Variants in CHST8 observed in about 807,000 individuals in gnomAD.
CHST8 encodes carbohydrate sulfotransferase 8.
CHST8 carries 10 observed loss-of-function variants against 15.0 expected under a neutral mutation model. That is an observed-to-expected ratio of 0.67 (90% CI 0.41 to 1.13). The LOEUF is 1.13. Among genes scored for constraint, CHST8 ranks in the 50% most tolerant of loss-of-function variants. The pLI is 0.00. For missense variants in CHST8, 634 were observed against 608.2 expected, an observed-to-expected ratio of 1.04 and a Z score of -0.45; for synonymous variants, 259 against 256.6, an observed-to-expected ratio of 1.01 and a Z score of -0.09.
intron 3 of CHST8, among the ~76,000 whole-genome samples, chr19:33,713,722 G>A (rs1478275272): frequency 6.6e-6 from 1 of 152,054 alleles, no homozygotes; most frequent in Non-Finnish European, 1.5e-5. Context: ...CACCACGCCC[G>A]GCTAATTTTT....
chr19:33,700,780 A>T (rs1464382979), intron 3 of CHST8, among the ~76,000 whole-genome samples: 5 of 152,206 alleles, frequency 3.3e-5, no homozygotes. Context: ...GCCAAGCCCC[A>T]GTTGCTACTT....
chr19:33,676,668 G>C (rs755187460), intron 2 of CHST8, among the ~76,000 whole-genome samples: 103 of 152,058 alleles, frequency 6.8e-4, no homozygotes, highest in Non-Finnish European at 9.1e-4. Context: ...ATGAGGCCAG[G>C]AGTTTAAGAC....
chr19:33,635,953 C>T (rs749972409), intron 1 of CHST8, among the ~76,000 whole-genome samples: 7 of 151,066 alleles, frequency 4.6e-5, no homozygotes, highest in Non-Finnish European at 8.8e-5. Context: ...ATTGTTTATG[C>T]GATGTGGAGG....
intron 3 of CHST8, among the ~76,000 whole-genome samples, chr19:33,766,276 C>T (rs1038126934): frequency 1.3e-5 from 2 of 151,960 alleles, no homozygotes; most frequent in Non-Finnish European, 1.5e-5. Context: ...TATATATCAC[C>T]TGTGGGCTCT....
intron 3 of CHST8, among the ~76,000 whole-genome samples, chr19:33,730,925 C>G (rs1035001318): frequency 6.6e-6 from 1 of 152,118 alleles, no homozygotes; most frequent in Non-Finnish European, 1.5e-5. Flanking sequence ...GTCCGATGTT[C>G]GAGGGCAGGA....
chr19:33,675,324 T>G (rs1972795079), intron 2 of CHST8, among the ~76,000 whole-genome samples: 1 of 152,188 alleles, frequency 6.6e-6, no homozygotes, highest in Admixed American at 6.5e-5. Flanking sequence ...TCCCTTCTAC[T>G]GGACATAATG....
chr19:33,733,471 G>A (rs930933780), intron 3 of CHST8, among the ~76,000 whole-genome samples: 1 of 152,114 alleles, frequency 6.6e-6, no homozygotes, highest in African/African-American at 2.4e-5. Context: ...CTGAACTCAG[G>A]TAATCTACCC....
intron 1 of CHST8, among the ~76,000 whole-genome samples, chr19:33,656,541 TG>T (rs1360617726): frequency 6.6e-6 from 1 of 152,168 alleles, no homozygotes; most frequent in Non-Finnish European, 1.5e-5. Flanking sequence ...TTTTGGTTTT[TG>T]TTTTGTTTTT....
intron 3 of CHST8, among the ~76,000 whole-genome samples, chr19:33,750,594 G>A (rs1488152963): frequency 1.3e-5 from 2 of 152,176 alleles, no homozygotes; most frequent in African/African-American, 4.8e-5. Flanking sequence ...CAGCCGCTCA[G>A]TTTCCCATCA....
intron 1 of CHST8, among the ~76,000 whole-genome samples, chr19:33,635,938 C>A (rs1209927280): frequency 6.6e-6 from 1 of 151,754 alleles, no homozygotes; most frequent in Non-Finnish European, 1.5e-5. Flanking sequence ...ATCCATGGCG[C>A]ACACATTGTT....
At chr19:33,662,141 C>T (rs1444694702) in intron 1 of CHST8, among the ~76,000 whole-genome samples, 1 of 152,102 alleles carries the variant, frequency 6.6e-6, no homozygotes, top group Non-Finnish European at 1.5e-5. Flanking sequence ...AGTGCAGTGG[C>T]ATGACCTCGG....
chr19:33,763,197 C>T (rs1015119315), intron 3 of CHST8, among the ~76,000 whole-genome samples: 35 of 152,290 alleles, frequency 2.3e-4, no homozygotes, highest in African/African-American at 8.4e-4. Flanking sequence ...GCATTAAAAA[C>T]TACAACTCCA....
intron 2 of CHST8, among the ~76,000 whole-genome samples, chr19:33,677,928 C>T (rs1444775522): frequency 6.6e-6 from 1 of 152,036 alleles, no homozygotes; most frequent in Non-Finnish European, 1.5e-5. Context: ...TCACTGGGCA[C>T]CTGGGGGGCT....
At chr19:33,767,407 A>G (rs1232526106) in intron 3 of CHST8, among the ~76,000 whole-genome samples, 1 of 152,154 alleles carries the variant, frequency 6.6e-6, no homozygotes, top group East Asian at 1.9e-4. Flanking sequence ...TCTGCCCCAA[A>G]CCCAGGCCTG....
chr19:33,756,206 A>T (rs1974543694), intron 3 of CHST8, among the ~76,000 whole-genome samples: 1 of 152,198 alleles, frequency 6.6e-6, no homozygotes, highest in South Asian at 2.1e-4. Context: ...GCGCATGAAG[A>T]TCGTGAAAAT....
chr19:33,689,220 G>A lies in CHST8; in HGVS notation c.-42G>A, dbSNP rs767972648. On this transcript the variant is annotated 5_prime_UTR_variant, in exon 3 of 5. In the 5' UTR this introduces an upstream ATG that the reference lacks. Transcript: ENST00000650847. ...CTGGTGTGGACGATGAGGGAAGAAC[G>A]TGCCCCCCACACCCAAGAGGTGACC... 58 of 1,498,412 alleles carry A rather than the reference G, an allele frequency of 3.9e-5. No individual in the cohort carries two copies. The highest frequency in any genetic ancestry group is 2.3e-4 in the African/African-American group (16 of 70,516). 92.8% of individuals were successfully genotyped at this position (1,498,412 alleles called of 1,614,324 possible). A position where few individuals can be genotyped will look rare whatever the true frequency, so the allele number is the denominator to read the frequency against.
At chr19:33,696,266 A>G (rs879373325) in intron 3 of CHST8, among the ~76,000 whole-genome samples, 5 of 152,150 alleles carry the variant, frequency 3.3e-5, no homozygotes, top group Non-Finnish European at 5.9e-5. Flanking sequence ...GTAGATACCC[A>G]GGAGTGGGAT....
At chr19:33,742,845 T>C (rs1205884057) in intron 3 of CHST8, among the ~76,000 whole-genome samples, 2 of 152,142 alleles carry the variant, frequency 1.3e-5, no homozygotes, top group Non-Finnish European at 1.5e-5. Context: ...GTAGGACAAG[T>C]GTGCACACTT....
At chr19:33,729,315 G>A (rs1441205617) in intron 3 of CHST8, among the ~76,000 whole-genome samples, 1 of 152,232 alleles carries the variant, frequency 6.6e-6, no homozygotes, top group African/African-American at 2.4e-5. Flanking sequence ...CTGTTGGCCA[G>A]AGAACTCCCT....
Sources: gnomAD v4.1 joint callset for allele counts (sites outside exome capture counted in the v4.1 genomes callset) on GRCh38, gnomAD v4.1.1 for gene constraint, MANE v1.5 for transcripts, NCBI Gene and HGNC (gene_info 2026-07-23, HGNC 2026-07-21) for gene names.